Variants in XIRP2 observed in about 807,000 individuals in gnomAD.
The protein encoded by XIRP2 is xin actin binding repeat containing 2.
XIRP2 carries 236 observed loss-of-function variants against 277.0 expected under a neutral mutation model. The observed-to-expected ratio is 0.85, with a 90% CI of 0.77 to 0.95. XIRP2 has a LOEUF of 0.95. Among genes scored for constraint, XIRP2 ranks in the 40% least tolerant of loss-of-function variants. XIRP2 has a pLI of 0.00. For synonymous variants in XIRP2, 1,490 were observed against 1,416.5 expected (o/e 1.05, Z -1.17); for missense variants, 4,640 against 4,157.5 (o/e 1.12, Z -3.19).
At chr2:167,128,227 A>T (rs1691265629) in intron 2 of XIRP2, among the ~76,000 whole-genome samples, 1 of 152,110 alleles carries the variant, frequency 6.6e-6, no homozygotes, top group African/African-American at 2.4e-5. Context: ...CACTATCCTA[A>T]TGTAGGCTTT....
At position 167,251,512 on chromosome 2, in the gene XIRP2, G is replaced by T; in HGVS notation, c.10120G>T (p.Glu3374Ter). 1.2e-6 allele frequency: 2 copies of T among 1,613,540 alleles called. No homozygotes were observed. The highest frequency in any genetic ancestry group is 1.7e-6 in the Non-Finnish European group (2 of 1,179,648). The change falls in exon 9 of 11, where the codon GAG becomes TAG. Residue 3374 changes from glutamate to a stop codon, truncating the protein, a stop_gained. Coordinates refer to ENST00000409195, the MANE Select transcript of XIRP2 (RefSeq NM_152381.6). LOFTEE classifies it high-confidence loss of function. ...IQQESRTFCKEEFGLTSLGNT... is the reference protein window; with the variant it reads ...IQQESRTFCK ...ACAAGAAAGTCGTACATTTTGTAAG[G>T]AGGAATTTGGATTAACATCTTTAGG...
At position 167,242,486 on chromosome 2, in the gene XIRP2, T is replaced by C. The variant is rs571458586; in HGVS notation, c.1177-83T>C. ...TGGAGATATCATAGGAGGGTCCAGG[T>C]TACAGACCAATGAAGGGCAGTGCCT... On this transcript the variant is annotated intron_variant, in intron 8 of 10. Transcript: ENST00000409195. 8.0e-5 allele frequency: 114 copies of C among 1,433,646 alleles called. 1 individual carries two copies. In the South Asian group the frequency reaches 1.4e-3, roughly 18 times the overall value. The allele number at this position is 1,433,646 out of a possible 1,614,324, so 88.8% of individuals were successfully genotyped here.
In XIRP2 at chr2:166,997,092, G is replaced by A. The variant is rs908478233; in HGVS notation, c.408+93202G>A. ...GGACGTCTACTGGACCTAAATGTAA[G>A]GTCATACCTACATTTGGTATGATCA... On this transcript the variant is annotated intron_variant, in intron 2 of 10. Transcript: ENST00000409195. Among the ~76,000 whole-genome samples, 3 of 152,058 alleles carry A rather than the reference G, an allele frequency of 2.0e-5. No homozygotes were observed. The East Asian group carries it at 5.8e-4, about 29-fold the overall frequency.
At chr2:167,190,591 C>G (rs1413962477) in intron 3 of XIRP2, among the ~76,000 whole-genome samples, 1 of 152,074 alleles carries the variant, frequency 6.6e-6, no homozygotes, top group African/African-American at 2.4e-5. Flanking sequence ...ATTTATTTTC[C>G]TAGTCATTGG....
At chr2:166,924,596 C>T (rs1403425831) in intron 2 of XIRP2, among the ~76,000 whole-genome samples, 4 of 151,836 alleles carry the variant, frequency 2.6e-5, no homozygotes, top group South Asian at 2.1e-4. Flanking sequence ...ATGATCTCTT[C>T]TGTCATTACA....
chr2:166,951,965 G>A lies in XIRP2; in HGVS notation c.408+48075G>A, dbSNP rs150620747. On this transcript the variant is annotated intron_variant, in intron 2 of 10. Coordinates refer to ENST00000409195, the MANE Select transcript of XIRP2 (RefSeq NM_152381.6). ...GAACTTTTATGCTCTACCACTCAGC[G>A]GTGTGGCTTTGTGTAGGCCATTTAG... 4.4e-3 allele frequency among the ~76,000 whole-genome samples: 667 copies of A among 152,110 alleles called. 2 individuals carry two copies. The highest frequency in any genetic ancestry group is 0.041 in the Middle Eastern group (12 of 292).
chr2:166,987,327 A>C (rs2105441217), intron 2 of XIRP2, among the ~76,000 whole-genome samples: 1 of 152,304 alleles, frequency 6.6e-6, no homozygotes, highest in East Asian at 1.9e-4. Context: ...AAATAGACTG[A>C]TCTTAATGAA....
At chr2:167,218,391 C>T in intron 5 of XIRP2, 91 bp downstream of exon 5, 1 of 1,147,072 alleles carries the variant, frequency 8.7e-7, no homozygotes, top group Non-Finnish European at 1.1e-6. Flanking sequence ...TTTAGTGATA[C>T]ATTTATTTTC....
At chr2:166,934,871 A>G (rs1415773549) in intron 2 of XIRP2, among the ~76,000 whole-genome samples, 1 of 152,042 alleles carries the variant, frequency 6.6e-6, no homozygotes. Context: ...TTTTTTAAAA[A>G]AGAAAAATAA....
chr2:167,176,904 T>C (rs1447558692), intron 3 of XIRP2, among the ~76,000 whole-genome samples: 1 of 152,144 alleles, frequency 6.6e-6, no homozygotes, highest in African/African-American at 2.4e-5. Flanking sequence ...TGGGGAGGGA[T>C]GTGTCTGTCT....
At position 167,247,792 on chromosome 2, in the gene XIRP2, C is replaced by G. The variant is rs772218026; in HGVS notation, c.6400C>G (p.Gln2134Glu). The change falls in exon 9 of 11, where the codon CAG (glutamine) becomes GAG (glutamate). Residue 2134 changes from glutamine (Q) to glutamate (E), a missense_variant. Physicochemically the swap from Gln to Glu is conservative, Grantham distance 29. Transcript: ENST00000409195. Reference sequence around the variant, plus strand: ...GACATATGAACTGAGAAATGACCACCAGAAAATGGAGGGTTTTCATATAAA... The same window carrying G: ...GACATATGAACTGAGAAATGACCACGAGAAAATGGAGGGTTTTCATATAAA... ...QQTYELRNDH[Q>E]KMEGFHIKSP... 5.0e-6 allele frequency: 8 copies of G among 1,612,952 alleles called. No homozygotes were observed. The highest frequency in any genetic ancestry group is 6.8e-6 in the Non-Finnish European group (8 of 1,179,606).
rs772218509 is a variant in XIRP2 at position 167,259,315 on chromosome 2, G to A, written c.*1498G>A. On this transcript the variant is annotated 3_prime_UTR_variant, in exon 11 of 11. Transcript: ENST00000409195. ...TGGAGGTGCAGTCAGAACAACTCACGGTGGAAGAGCAGATTAAAAGAAACA... is the reference window on the plus strand; with the variant it reads ...TGGAGGTGCAGTCAGAACAACTCACAGTGGAAGAGCAGATTAAAAGAAACA... 4.3e-6 allele frequency: 7 copies of A among 1,612,244 alleles called. No homozygotes were observed. Among genetic ancestry groups the A allele is most frequent in the South Asian group, 2.2e-5 (2 of 90,742 alleles).
At chr2:167,173,024 A>G (rs1211030156) in intron 3 of XIRP2, among the ~76,000 whole-genome samples, 1 of 152,200 alleles carries the variant, frequency 6.6e-6, no homozygotes, top group African/African-American at 2.4e-5. Flanking sequence ...AATCTTCACA[A>G]TTTATGTTCT....
chr2:167,091,235 G>A (rs79601905), intron 2 of XIRP2, among the ~76,000 whole-genome samples: 11,255 of 151,998 alleles, frequency 0.074, 499 homozygotes, highest in South Asian at 0.16. Flanking sequence ...GTGACTTGAT[G>A]TCTTTATTGG....
chr2:167,241,782 G>A lies in XIRP2; in HGVS notation c.1048G>A (p.Asp350Asn). The A allele has an allele frequency of 1.2e-6, 2 of 1,606,342 alleles. No individual in the cohort carries two copies. Among genetic ancestry groups the A allele is most frequent in the Non-Finnish European group, 1.7e-6 (2 of 1,177,158 alleles). ...GTGTGTTTTTCTGTTTGTAGTCATT[G>A]ATACACCTGAGGATGAAGAGATTCC... is the stretch of plus-strand genomic sequence containing the variant. ...FHQYVQETVIDTPEDEEIPKV... is the reference protein window; with the variant it reads ...FHQYVQETVINTPEDEEIPKV... Residue 350 changes from aspartate to asparagine, a missense_variant, in exon 8 of 11, where the codon GAT becomes AAT. Physicochemically the swap from Asp to Asn is conservative, Grantham distance 23 (BLOSUM62 1). Transcript: ENST00000409195.
chr2:167,017,049 A>C (rs1166490320), intron 2 of XIRP2, among the ~76,000 whole-genome samples: 1 of 151,720 alleles, frequency 6.6e-6, no homozygotes, highest in Non-Finnish European at 1.5e-5. Flanking sequence ...CTGAGCATGC[A>C]CTCTCACAGC....
chr2:167,053,206 G>A (rs1241145329), intron 2 of XIRP2, among the ~76,000 whole-genome samples: 1 of 152,140 alleles, frequency 6.6e-6, no homozygotes, highest in Non-Finnish European at 1.5e-5. Context: ...CTACTCTACA[G>A]CTATAATTTA....
At chr2:167,208,753 C>CA (rs886789445) in intron 3 of XIRP2, among the ~76,000 whole-genome samples, 6 of 151,054 alleles carry the variant, frequency 4.0e-5, no homozygotes, top group East Asian at 1.9e-4. Flanking sequence ...AAATTTTAAC[C>CA]AAAAAAAAGC....
intron 2 of XIRP2, among the ~76,000 whole-genome samples, chr2:166,982,327 T>TA (rs34827020): frequency 0.28 from 41,253 of 146,390 alleles, 6,284 homozygotes; most frequent in South Asian, 0.43. Context: ...TTTTTTTTTT[T>TA]AAAAAAAAAA....
Sources: allele counts gnomAD v4.1 joint callset (sites outside exome capture counted in the v4.1 genomes callset), GRCh38; gene constraint gnomAD v4.1.1; transcripts MANE v1.5; gene names NCBI Gene and HGNC (gene_info 2026-07-23, HGNC 2026-07-21).